Variants in NAV2 observed in about 807,000 individuals in gnomAD.
NAV2 encodes neuron navigator 2.
Under a neutral mutation model 223.2 loss-of-function variants are expected in NAV2, and 54 were observed. The observed-to-expected ratio is 0.24, with a 90% CI of 0.19 to 0.30. The LOEUF is 0.30. NAV2 is among the 10% of genes least tolerant of loss of function. The pLI is 1.00. For missense variants in NAV2, 2,806 were observed against 3,147.5 expected (o/e 0.89, Z 2.60); for synonymous variants, 1,279 against 1,239.3 (o/e 1.03, Z -0.67).
At chr11:19,915,149 G>C (rs2043692424) in intron 6 of NAV2, among the ~76,000 whole-genome samples, 1 of 152,188 alleles carries the variant, frequency 6.6e-6, no homozygotes, top group Admixed American at 6.5e-5. Context: ...CATTCATGTG[G>C]TACATATTTG....
intron 7 of NAV2, among the ~76,000 whole-genome samples, chr11:19,936,173 A>G (rs1229342593): frequency 6.6e-6 from 1 of 151,822 alleles, no homozygotes; most frequent in African/African-American, 2.4e-5. Flanking sequence ...CCAGCCATGA[A>G]CTGTTCTCTG....
chr11:19,615,835 C>T (rs1468430906), intron 1 of NAV2, among the ~76,000 whole-genome samples: 1 of 152,150 alleles, frequency 6.6e-6, no homozygotes, highest in East Asian at 1.9e-4. Context: ...AGCAAAGCAA[C>T]CACATAGGGT....
chr11:20,071,668 G>C (rs2059413954), intron 22 of NAV2, among the ~76,000 whole-genome samples: 3 of 147,732 alleles, frequency 2.0e-5, no homozygotes, highest in Non-Finnish European at 4.5e-5. Context: ...ACTGACATGA[G>C]ATGGTATCTC....
chr11:19,911,523 C>CA (rs1463781627), intron 6 of NAV2, among the ~76,000 whole-genome samples: 1 of 152,148 alleles, frequency 6.6e-6, no homozygotes, highest in Non-Finnish European at 1.5e-5. Flanking sequence ...TTTGTGAGGG[C>CA]AGGGAGCATG....
At chr11:20,097,440 C>A in intron 30 of NAV2, 137 bp from the exon 31 acceptor site, 1 of 682,620 alleles carries the variant, frequency 1.5e-6, no homozygotes, top group South Asian at 2.6e-5. Context: ...TTTTCTCCCC[C>A]TCATCCCACA....
chr11:20,013,986 C>T (rs925615418), intron 11 of NAV2, among the ~76,000 whole-genome samples: 1 of 152,234 alleles, frequency 6.6e-6, no homozygotes, highest in Admixed American at 6.5e-5. Context: ...TGTTCTGTTC[C>T]GGTGTTCTCT....
At chr11:19,455,969 C>G (rs2702689) in intron 1 of NAV2, among the ~76,000 whole-genome samples, 1 of 152,098 alleles carries the variant, frequency 6.6e-6, no homozygotes, top group Non-Finnish European at 1.5e-5. Context: ...AAAGCCTGAC[C>G]GTGCATATTC....
At chr11:19,977,739 C>G (rs916354890) in intron 10 of NAV2, among the ~76,000 whole-genome samples, 2 of 147,964 alleles carry the variant, frequency 1.4e-5, no homozygotes, top group Non-Finnish European at 3.0e-5. Context: ...TCAGAGCATT[C>G]TCTTCTTCCT....
intron 1 of NAV2, among the ~76,000 whole-genome samples, chr11:19,456,397 G>T (rs1416501320): frequency 6.6e-6 from 1 of 152,158 alleles, no homozygotes; most frequent in Non-Finnish European, 1.5e-5. Context: ...GAACAACCTT[G>T]CAGAGTAGCT....
At chr11:19,488,957 A>G (rs1165449466) in intron 1 of NAV2, among the ~76,000 whole-genome samples, 1 of 152,232 alleles carries the variant, frequency 6.6e-6, no homozygotes, top group East Asian at 1.9e-4. Flanking sequence ...TTTCTCCCCC[A>G]GGATGCTTTG....
chr11:19,736,355 G>A (rs1271377659), intron 1 of NAV2, among the ~76,000 whole-genome samples: 1 of 152,190 alleles, frequency 6.6e-6, no homozygotes, highest in African/African-American at 2.4e-5. Flanking sequence ...AGGCCCTCTT[G>A]TTGGGCTCCA....
intron 11 of NAV2, among the ~76,000 whole-genome samples, chr11:20,006,862 A>G (rs2153500419): frequency 6.6e-6 from 1 of 152,248 alleles, no homozygotes; most frequent in Non-Finnish European, 1.5e-5. Flanking sequence ...AAAAAGAAAA[A>G]CAACAGAGGA....
intron 1 of NAV2, among the ~76,000 whole-genome samples, chr11:19,785,986 C>T (rs926256138): frequency 8.5e-5 from 13 of 152,052 alleles, no homozygotes; most frequent in African/African-American, 3.1e-4. Flanking sequence ...CTACCTTACA[C>T]CAGGCAAGGA....
At chr11:20,073,584 A>G (rs1352294676) in intron 22 of NAV2, among the ~76,000 whole-genome samples, 1 of 152,038 alleles carries the variant, frequency 6.6e-6, no homozygotes, top group African/African-American at 2.4e-5. Flanking sequence ...TTTGGTTGGT[A>G]GGCTATTAAT....
intron 7 of NAV2, among the ~76,000 whole-genome samples, chr11:19,938,713 G>A (rs1416570050): frequency 6.6e-6 from 1 of 152,180 alleles, no homozygotes. Context: ...CTGGCTGGAG[G>A]TGAAAGGAGC....
rs2060798488 is a variant in NAV2, at chr11:20,090,901, C to T, written c.5535C>T (p.Val1845=). 1 of 1,614,040 alleles carries T rather than the reference C, an allele frequency of 6.2e-7. No homozygotes were observed. The highest frequency in any genetic ancestry group is 8.5e-7 in the Non-Finnish European group (1 of 1,179,924). Reference sequence around the variant, plus strand: ...GCATGGATAGTGAAGCTGAGACCGTCATGCAGCTCCGAAATGAGTTAAGAG... The same window carrying T: ...GCATGGATAGTGAAGCTGAGACCGTTATGCAGCTCCGAAATGAGTTAAGAG... ...SECMDSEAET[V]MQLRNELRDK... The change falls in exon 27 of 38, where the codon GTC becomes GTT. Residue 1845 remains valine (V), a synonymous_variant. Coordinates refer to ENST00000349880, the MANE Select transcript of NAV2 (RefSeq NM_145117.5).
intron 1 of NAV2, among the ~76,000 whole-genome samples, chr11:19,565,333 T>C (rs572641856): frequency 9.1e-4 from 138 of 152,364 alleles, no homozygotes; most frequent in Non-Finnish European, 1.6e-3. Context: ...TCTTCTCCTA[T>C]TTCCCTAATC....
At chr11:19,397,421 G>GCA (rs1564904893) in intron 1 of NAV2, among the ~76,000 whole-genome samples, 16 of 148,182 alleles carry the variant, frequency 1.1e-4, no homozygotes, top group African/African-American at 3.5e-4. Flanking sequence ...GTGTGTGTGC[G>GCA]CGCATGTGTG....
intron 1 of NAV2, among the ~76,000 whole-genome samples, chr11:19,802,096 C>T (rs1021515356): frequency 6.6e-6 from 1 of 152,104 alleles, no homozygotes; most frequent in African/African-American, 2.4e-5. Context: ...CACTATGCCA[C>T]CTTTTATCTC....
Sources: allele counts gnomAD v4.1 joint callset (sites outside exome capture counted in the v4.1 genomes callset), GRCh38; gene constraint gnomAD v4.1.1; transcripts MANE v1.5; gene names NCBI Gene and HGNC (gene_info 2026-07-23, HGNC 2026-07-21).